The following CTBP2 variants were observed in gnomAD, a reference collection of about 807,000 sequenced individuals.
CTBP2 encodes C-terminal binding protein 2, also known as C-terminal-binding protein 2.
Under a neutral mutation model 80.3 loss-of-function variants are expected in CTBP2, and 30 were observed. The observed-to-expected ratio is 0.37, with a 90% CI of 0.28 to 0.51. The LOEUF (loss-of-function observed/expected upper bound fraction) is 0.51, where lower values mean the gene tolerates loss of function less well. Ranked by LOEUF, CTBP2 falls within the 20% of genes least tolerant of loss-of-function variation. The pLI is 0.93. For synonymous variants in CTBP2, 594 were observed against 587.4 expected, an observed-to-expected ratio of 1.01 and a Z score of -0.16; for missense variants, 1,212 against 1,375.3, an observed-to-expected ratio of 0.88 and a Z score of 1.88.
chr10:125,053,722 C>T (rs565642659), intron 2 of CTBP2, among the ~76,000 whole-genome samples: 8 of 152,284 alleles, frequency 5.3e-5, no homozygotes, highest in Admixed American at 4.6e-4. Flanking sequence ...GGGGAGATCT[C>T]AGCCCAGAGC....
At chr10:125,042,300 C>A (rs758325042) in intron 2 of CTBP2, among the ~76,000 whole-genome samples, 6 of 152,246 alleles carry the variant, frequency 3.9e-5, no homozygotes, top group Non-Finnish European at 7.3e-5. Flanking sequence ...CTGCACACAG[C>A]GGCCTCCAGC....
At chr10:125,117,980 T>C (rs1427024028) in intron 1 of CTBP2, among the ~76,000 whole-genome samples, 2 of 152,324 alleles carry the variant, frequency 1.3e-5, no homozygotes, top group African/African-American at 2.4e-5. Context: ...AGAGAGTGTT[T>C]ATGGAAATTT....
chr10:125,026,952 A>T lies in CTBP2; in HGVS notation c.808T>A (p.Tyr270Asn). Residue 270 changes from tyrosine to asparagine, a missense_variant, in exon 1 of 9, where the codon TAC becomes AAC. Around this residue, in one of 3 missense-constraint regions of CTBP2, gnomAD observed 848 missense variants for 782.3 expected, o/e 1.08. Transcript: ENST00000309035. Reference sequence around the variant, plus strand: ...GACAGGTCAGCTTCGTAAGTCTCGTAAGCCATCTTGGATGGGATGCTTTCC... The same window carrying T: ...GACAGGTCAGCTTCGTAAGTCTCGTTAGCCATCTTGGATGGGATGCTTTCC... 1.2e-6 allele frequency: 2 copies of T among 1,614,040 alleles called. No homozygotes were observed. Among genetic ancestry groups the T allele is most frequent in the Non-Finnish European group, 1.7e-6 (2 of 1,180,000 alleles).
intron 2 of CTBP2, among the ~76,000 whole-genome samples, chr10:125,044,722 A>G (rs1960789766): frequency 6.6e-6 from 1 of 152,182 alleles, no homozygotes; most frequent in Non-Finnish European, 1.5e-5. Context: ...CTGTGAATAA[A>G]GCCACTGCAC....
At chr10:125,040,849 C>T (rs1027219358) in intron 2 of CTBP2, among the ~76,000 whole-genome samples, 2 of 152,082 alleles carry the variant, frequency 1.3e-5, no homozygotes, top group African/African-American at 4.8e-5. Context: ...AGATTTATGG[C>T]GATAATTACG....
intron 1 of CTBP2, among the ~76,000 whole-genome samples, chr10:125,128,241 G>A (rs1013385145): frequency 2.0e-5 from 3 of 152,202 alleles, no homozygotes; most frequent in Non-Finnish European, 4.4e-5. Flanking sequence ...GGCTCCAAAA[G>A]TCCACTTCTG....
chr10:124,999,444 A>G (rs1406668424), intron 3 of CTBP2: 1 of 152,314 alleles, frequency 6.6e-6, no homozygotes, highest in Non-Finnish European at 1.5e-5. Flanking sequence ...GACAGGAAAC[A>G]AGACCAGTGG....
At chr10:125,005,765 G>A (rs746622820) in intron 1 of CTBP2, 1 of 1,612,926 alleles carries the variant, frequency 6.2e-7, no homozygotes, top group South Asian at 1.1e-5. Flanking sequence ...CCTACTTGAG[G>A]TCTGAGCGCA....
intron 2 of CTBP2, among the ~76,000 whole-genome samples, chr10:125,091,451 G>T (rs1848747953): frequency 6.6e-6 from 1 of 152,144 alleles, no homozygotes; most frequent in Non-Finnish European, 1.5e-5. Context: ...GAAGCATCAG[G>T]GTGACCAGCT....
At chr10:125,159,494 T>TGGCGGCGGCGGCAGCGGCAGC (rs1554966066) in intron 1 of CTBP2, among the ~76,000 whole-genome samples, 27 of 146,520 alleles carry the variant, frequency 1.8e-4, no homozygotes, top group Admixed American at 1.3e-4. Flanking sequence ...CGCGCGGCAG[T>TGGCGGCGGCGGCAGCGGCAGC]GGCGGCGGCG....
At chr10:125,062,482 TG>T (rs1410973331) in intron 2 of CTBP2, among the ~76,000 whole-genome samples, 1 of 151,960 alleles carries the variant, frequency 6.6e-6, no homozygotes, top group Non-Finnish European at 1.5e-5. Context: ...GGGGAGGTTC[TG>T]GGACAGCAGA....
At chr10:125,013,419 C>T (rs1590068759) in intron 1 of CTBP2, among the ~76,000 whole-genome samples, 2 of 152,296 alleles carry the variant, frequency 1.3e-5, no homozygotes, top group Middle Eastern at 3.4e-3. Context: ...GTGCGGGCAC[C>T]GCTGCCGTCA....
rs201300842 is a variant in CTBP2, at chr10:125,105,728, A to C, written c.-102+5262T>G. On this transcript the variant is annotated intron_variant, in intron 2 of 10. Coordinates refer to the CTBP2 transcript ENST00000337195. ...TAATGCATTCTAAGAGTATTAATAC[A>C]ATCAGCAATGGTAACGCATAAATGT... Among the ~76,000 whole-genome samples, 17 of 152,366 alleles carry C rather than the reference A, an allele frequency of 1.1e-4. No individual in the cohort carries two copies. In the East Asian group the frequency reaches 2.1e-3, roughly 19 times the overall value.
chr10:125,036,672 T>G (rs1161723553), intron 3 of CTBP2, among the ~76,000 whole-genome samples: 36 of 8,092 alleles, frequency 4.4e-3, no homozygotes, highest in South Asian at 0.011. Flanking sequence ...AGAGGGGGTG[T>G]GTGTGTGTGT....
chr10:125,143,473 A>G (rs1858207230), intron 1 of CTBP2, among the ~76,000 whole-genome samples: 1 of 152,186 alleles, frequency 6.6e-6, no homozygotes, highest in Non-Finnish European at 1.5e-5. Context: ...GTGAGCCTCC[A>G]TTTCAAAAAA....
intron 2 of CTBP2, among the ~76,000 whole-genome samples, chr10:125,095,935 AG>A (rs1849479959): frequency 6.6e-6 from 1 of 152,154 alleles, no homozygotes; most frequent in African/African-American, 2.4e-5. Flanking sequence ...TGCCTCTGCC[AG>A]GAAGTCCTGC....
At chr10:125,008,218 T>C (rs540325061) in intron 1 of CTBP2, among the ~76,000 whole-genome samples, 2 of 152,312 alleles carry the variant, frequency 1.3e-5, no homozygotes, top group South Asian at 4.1e-4. Context: ...AATGCTGGGA[T>C]TACAGGCAAT....
intron 1 of CTBP2, among the ~76,000 whole-genome samples, chr10:125,151,562 G>A (rs1308106189): frequency 1.3e-5 from 2 of 152,218 alleles, no homozygotes; most frequent in East Asian, 3.9e-4. Flanking sequence ...GCTGTTTACC[G>A]TTTGCTTGCA....
At chr10:125,117,572 T>A (rs1853553934) in intron 1 of CTBP2, among the ~76,000 whole-genome samples, 1 of 152,118 alleles carries the variant, frequency 6.6e-6, no homozygotes, top group South Asian at 2.1e-4. Context: ...GAGTCCAAGT[T>A]TGGTTGGCAC....
Sources: allele counts gnomAD v4.1 joint callset (sites outside exome capture counted in the v4.1 genomes callset), GRCh38; gene constraint gnomAD v4.1.1; regional missense constraint gnomAD v4.1.1; transcripts MANE v1.5; gene names NCBI Gene and HGNC (gene_info 2026-07-23, HGNC 2026-07-21).